Variants in SP140 observed in about 807,000 individuals in gnomAD.
SP140 encodes nuclear body protein SP140.
SP140 carries 81 observed loss-of-function variants against 125.0 expected under a neutral mutation model. The observed-to-expected ratio is 0.65, with a 90% CI of 0.54 to 0.78. The LOEUF is 0.78. Among genes scored for constraint, SP140 ranks in the 30% least tolerant of loss-of-function variants. SP140 has a pLI of 0.00. For synonymous variants in SP140, 312 were observed against 354.0 expected (o/e 0.88, Z 1.33); for missense variants, 858 against 1,037.0 (o/e 0.83, Z 2.37).
In SP140 at chr2:230,255,516, A is replaced by G. The variant is rs1205569774; in HGVS notation, c.1224A>G (p.Leu408=). 1 of 1,604,432 alleles carries G rather than the reference A, an allele frequency of 6.2e-7. No individual in the cohort carries two copies. The highest frequency in any genetic ancestry group is 1.1e-5 in the South Asian group (1 of 90,508). ...GEERQEASSS[L]ARRGSVSSEL... ...AGCGCCAGGAAGCCTCTAGCTCCCT[A>G]GCAAGACGTGGGTCAGGTAAGGACG... Residue 408 remains leucine (L), a synonymous_variant, in exon 12 of 27, where the codon CTA becomes CTG. Transcript: ENST00000392045.
upstream of SP140, chr2:230,221,761 C>A (rs2045839776): frequency 2.0e-6 from 3 of 1,533,036 alleles, no homozygotes; most frequent in South Asian, 3.6e-5. Flanking sequence ...AGGATCCTGG[C>A]AGCAAGAACT....
At position 230,309,926 on chromosome 2, in the gene SP140, G is replaced by A. The variant is rs201125197; in HGVS notation, c.2061G>A (p.Met687Ile). 1.2e-4 allele frequency: 192 copies of A among 1,613,546 alleles called. No homozygotes were observed. The highest frequency in any genetic ancestry group is 1.3e-4 in the Non-Finnish European group (157 of 1,180,020). Reference sequence around the variant, plus strand: ...GTGGACACTGTTTTATCTTCTAGATGAGAAACCTGGATGAGTGTGAGGTGT... The same window carrying A: ...GTGGACACTGTTTTATCTTCTAGATAAGAAACCTGGATGAGTGTGAGGTGT... ...SQNNSSVDPC[M>I]RNLDECEVCR... is the part of the protein sequence containing the mutation. Residue 687 changes from methionine to isoleucine, a missense_variant and splice_region_variant, in exon 23 of 27, where the codon ATG (methionine) becomes ATA (isoleucine). Physicochemically the swap from Met to Ile is conservative, Grantham distance 10. This residue lies in a region of SP140 where 791 missense variants were observed against 869.5 expected (regional missense o/e 0.91). Transcript: ENST00000392045.
rs2048154318 is a variant in SP140 at position 230,237,435 on chromosome 2, A to G, written c.237+175A>G. On this transcript the variant is annotated intron_variant, in intron 2 of 26. Coordinates refer to ENST00000392045, the MANE Select transcript of SP140 (RefSeq NM_007237.5). This position sits in a 1 kb window ranked among gnomAD's most constrained non-coding sequence, Gnocchi z 5.4. Reference sequence around the variant, plus strand: ...AGAAAACCTCCCTTCTTCTGTAGTAAATGTTGGGGGAGGGCCACAGTGAGG... The same window carrying G: ...AGAAAACCTCCCTTCTTCTGTAGTAGATGTTGGGGGAGGGCCACAGTGAGG... The G allele has an allele frequency of 3.5e-6, 2 of 574,270 alleles. No individual in the cohort carries two copies. The highest frequency in any genetic ancestry group is 3.4e-5 in the Admixed American group (1 of 29,814). The allele number at this position is 574,270 out of a possible 1,614,324, so 35.6% of individuals were successfully genotyped here. A position where few individuals can be genotyped will look rare whatever the true frequency, so the allele number is the denominator to read the frequency against.
Position 230,312,737 on chromosome 2 carries a change from G to A in SP140, c.*53G>A, listed in dbSNP as rs1484163610. On this transcript the variant is annotated 3_prime_UTR_variant, in exon 27 of 27. Transcript: ENST00000392045. ...AGCAAATGGCACCCTAAAATATGCC[G>A]CTGGTTTGCCACTGACTTCAAAATG... 6.9e-5 allele frequency: 94 copies of A among 1,364,714 alleles called. No individual in the cohort carries two copies. The highest frequency in any genetic ancestry group is 8.2e-5 in the Non-Finnish European group (79 of 958,444). The allele number at this position is 1,364,714 out of a possible 1,614,324, so 84.5% of individuals were successfully genotyped here. A position where few individuals can be genotyped will look rare whatever the true frequency, so the allele number is the denominator to read the frequency against.
chr2:230,239,417 C>T (rs1056035672), intron 3 of SP140, among the ~76,000 whole-genome samples: 1 of 152,012 alleles, frequency 6.6e-6, no homozygotes, highest in African/African-American at 2.4e-5. Context: ...TTGTATTTTT[C>T]ATTTGATTAT....
At position 230,247,951 on chromosome 2, in the gene SP140, A is replaced by G; in HGVS notation, c.778A>G (p.Thr260Ala). Residue 260 changes from threonine (T) to alanine (A), a missense_variant, in exon 8 of 27, where the codon ACA becomes GCA. Physicochemically the swap from Thr to Ala is moderately conservative, Grantham distance 58. This residue lies in a region of SP140 where 791 missense variants were observed against 869.5 expected (regional missense o/e 0.91). Transcript: ENST00000392045. Reference sequence around the variant, plus strand: ...CAACGGGATGATAGATGCGGCAAGGACATACAGCACAGCACCAGGGGAGAA... The same window carrying G: ...CAACGGGATGATAGATGCGGCAAGGGCATACAGCACAGCACCAGGGGAGAA... ...ESNGMIDAAR[T>A]YSTAPGEKQG... The G allele has an allele frequency of 6.2e-7, 1 of 1,613,924 alleles. No individual in the cohort carries two copies. Among genetic ancestry groups the G allele is most frequent in the Non-Finnish European group, 8.5e-7 (1 of 1,179,888 alleles).
intron 22 of SP140, among the ~76,000 whole-genome samples, chr2:230,299,123 C>A (rs910915070): frequency 1.3e-5 from 2 of 152,164 alleles, no homozygotes; most frequent in African/African-American, 4.8e-5. Flanking sequence ...GACAGAACAG[C>A]GTGTTGAGAC....
In SP140 at chr2:230,297,434, C is replaced by T. The variant is rs1218725514; in HGVS notation, c.2030C>T (p.Ser677Phe). ...TTTTTTCAACAGAGAATACTGAAGT[C>T]TCAAAACAATAGCTCAGTTGACCCT... ...RYRKKKRILK[S>F]QNNSSVDPCM... Residue 677 changes from serine to phenylalanine, a missense_variant, in exon 22 of 27, where the codon TCT (serine) becomes TTT (phenylalanine). Around this residue, in one of 4 missense-constraint regions of SP140, gnomAD observed 791 missense variants for 869.5 expected, o/e 0.91. Coordinates refer to ENST00000392045, the MANE Select transcript of SP140 (RefSeq NM_007237.5). 6.2e-7 allele frequency: 1 copy of T among 1,613,872 alleles called. No individual in the cohort carries two copies. The highest frequency in any genetic ancestry group is 1.3e-5 in the African/African-American group (1 of 75,046).
chr2:230,250,092 C>T (rs2162481), intron 9 of SP140, among the ~76,000 whole-genome samples: 21,537 of 152,204 alleles, frequency 0.14, 1,571 homozygotes, highest in African/African-American at 0.18. Context: ...ACACCTCCTC[C>T]GAACCTAGAA....
chr2:230,212,600 C>A (rs543610932), intron 1 of SP140, among the ~76,000 whole-genome samples: 1 of 152,094 alleles, frequency 6.6e-6, no homozygotes, highest in Non-Finnish European at 1.5e-5. Context: ...ACCCACCCCC[C>A]GGCAGTGCTC....
chr2:230,210,992 G>A lies in SP140; in HGVS notation c.-322-2662G>A, dbSNP rs147615789. ...AGCAATTCACTATTAGGGCCACACA[G>A]TGTTTTTGTTCATTTGCTTTGCATT... On this transcript the variant is annotated intron_variant, in intron 1 of 4. Transcript: ENST00000456542. Among the ~76,000 whole-genome samples, 6 of 152,350 alleles carry A rather than the reference G, an allele frequency of 3.9e-5. No homozygotes were observed. The East Asian group carries it at 1.2e-3, about 29-fold the overall frequency.
chr2:230,297,577 T>G (rs766828284), intron 22 of SP140, 115 bp downstream of exon 22: 138 of 1,258,230 alleles, frequency 1.1e-4, no homozygotes, highest in Non-Finnish European at 4.0e-5. Context: ...CTGGAGTATG[T>G]GGCTGTGTGA....
In SP140 at chr2:230,245,510, A is replaced by G. The variant is rs2149174020; in HGVS notation, c.665-353A>G. On this transcript the variant is annotated intron_variant, in intron 6 of 26. Transcript: ENST00000392045. ...AAGTTAGAAGAATGAATAGGGATAT[A>G]ACGGGGCAAAGAGGTAACAAACATC... is the stretch of plus-strand genomic sequence containing the variant. Among the ~76,000 whole-genome samples the G allele has an allele frequency of 2.0e-5, 3 of 152,346 alleles. 1 individual carries two copies. In the Middle Eastern group the frequency reaches 0.01, roughly 518 times the overall value.
chr2:230,263,991 T>G (rs2052675768), intron 12 of SP140, among the ~76,000 whole-genome samples: 1 of 152,194 alleles, frequency 6.6e-6, no homozygotes, highest in Non-Finnish European at 1.5e-5. Context: ...GTGTTCTTTG[T>G]GCTTCTTGTA....
rs992259914 is a variant in SP140 at position 230,284,225 on chromosome 2, A to T, written c.1499-121A>T. On this transcript the variant is annotated intron_variant, in intron 15 of 26. Transcript: ENST00000392045. ...CACGCTGCTACACTGATCATAAAGT[A>T]TTTTGCCCCATTCCTGCGGACCAAA... 7.9e-6 allele frequency: 7 copies of T among 886,386 alleles called. No individual in the cohort carries two copies. In the Admixed American group the frequency reaches 8.4e-5, roughly 11 times the overall value. 54.9% of individuals were successfully genotyped at this position (886,386 alleles called of 1,614,324 possible).
At chr2:230,189,516 T>C in the SP140 span, among the ~76,000 whole-genome samples, 1 of 152,208 alleles carries the variant, frequency 6.6e-6, no homozygotes, top group African/African-American at 2.4e-5. Flanking sequence ...TGGAGTTGAT[T>C]TCTAGTTTTA....
At chr2:230,227,281 C>CA in intron 1 of SP140, among the ~76,000 whole-genome samples, 1 of 152,186 alleles carries the variant, frequency 6.6e-6, no homozygotes, top group Middle Eastern at 3.2e-3. Flanking sequence ...GTTTTCAGTG[C>CA]CCAGTGCCAC....
At chr2:230,306,310 C>G (rs1306974995) in intron 22 of SP140, among the ~76,000 whole-genome samples, 1 of 152,220 alleles carries the variant, frequency 6.6e-6, no homozygotes, top group East Asian at 1.9e-4. Flanking sequence ...CCCTGAGTGT[C>G]AGGTTCCTTT....
At position 230,292,722 on chromosome 2, in the gene SP140, T is replaced by C. The variant is rs903766049; in HGVS notation, c.1902T>C (p.His634=). 3.7e-6 allele frequency: 6 copies of C among 1,614,122 alleles called. No homozygotes were observed. The highest frequency in any genetic ancestry group is 2.7e-5 in the African/African-American group (2 of 74,938). The change falls in exon 20 of 27, where the codon CAT becomes CAC. Residue 634 remains histidine, a synonymous_variant. Coordinates refer to ENST00000392045, the MANE Select transcript of SP140 (RefSeq NM_007237.5). ...CGGAATTTGAAATCAAAGGAGGCCA[T>C]GCAAGATCAAAGAACTGGAGGCTGA... ...TPTEFEIKGG[H]ARSKNWRLSV... is the part of the protein sequence containing the mutation.
Sources: gnomAD v4.1 joint callset for allele counts (sites outside exome capture counted in the v4.1 genomes callset) on GRCh38, gnomAD v4.1.1 for gene constraint, gnomAD v4.1.1 regional missense constraint, Gnocchi (gnomAD v3.1) non-coding constraint, MANE v1.5 for transcripts, NCBI Gene and HGNC (gene_info 2026-07-23, HGNC 2026-07-21) for gene names.